C8orf34: variants seen among roughly 807,000 people sequenced by gnomAD.
The protein encoded by C8orf34 is chromosome 8 open reading frame 34, also known as uncharacterized protein C8orf34.
C8orf34 carries 65 observed loss-of-function variants against 68.3 expected under a neutral mutation model. That is an observed-to-expected ratio of 0.95 (90% CI 0.78 to 1.17). The LOEUF is 1.17. Ranked by LOEUF, C8orf34 falls within the 50% of genes most tolerant of loss-of-function variation. The pLI is 0.00. For synonymous variants in C8orf34, 244 were observed against 241.2 expected (o/e 1.01, Z -0.11); for missense variants, 664 against 655.4 (o/e 1.01, Z -0.14).
At chr8:68,377,144 C>T (rs898740317) in intron 1 of C8orf34, among the ~76,000 whole-genome samples, 1 of 152,118 alleles carries the variant, frequency 6.6e-6, no homozygotes, top group Non-Finnish European at 1.5e-5. Flanking sequence ...GTAATCCTAG[C>T]TCTTTGGAAG....
chr8:68,677,506 G>A (rs2130864075), intron 8 of C8orf34, among the ~76,000 whole-genome samples: 1 of 152,138 alleles, frequency 6.6e-6, no homozygotes, highest in Middle Eastern at 3.4e-3. Context: ...CTACAAGCAT[G>A]TGTCACCACA....
chr8:68,394,421 T>C (rs922127872), intron 1 of C8orf34, among the ~76,000 whole-genome samples: 1 of 151,914 alleles, frequency 6.6e-6, no homozygotes, highest in African/African-American at 2.4e-5. Context: ...CATGAACTCA[T>C]CATTTTTTAT....
intron 7 of C8orf34, among the ~76,000 whole-genome samples, chr8:68,598,533 T>A (rs989002353): frequency 3.3e-5 from 5 of 152,118 alleles, no homozygotes; most frequent in Non-Finnish European, 7.3e-5. Flanking sequence ...GGCTTTAGGG[T>A]ATCAACAAAC....
At chr8:68,519,262 C>G (rs561004759) in intron 5 of C8orf34, among the ~76,000 whole-genome samples, 4 of 152,198 alleles carry the variant, frequency 2.6e-5, no homozygotes, top group Non-Finnish European at 5.9e-5. Context: ...CATCATGCAA[C>G]TCTACTTTCT....
At chr8:68,628,742 G>T (rs1185990448) in intron 7 of C8orf34, among the ~76,000 whole-genome samples, 3 of 152,156 alleles carry the variant, frequency 2.0e-5, no homozygotes, top group African/African-American at 4.8e-5. Flanking sequence ...CCTTGAAACA[G>T]ATGTGAAAAT....
Position 68,818,253 on chromosome 8 carries a change from G to A in C8orf34, c.*7G>A, listed in dbSNP as rs16935109. On this transcript the variant is annotated 3_prime_UTR_variant, in exon 14 of 14. Transcript: ENST00000518698. ...CTCCTCTGCAGGTTTGTGAAACAGA[G>A]AGAAGAAGTTGCAAGTGGTCCTTAA... 3 of 1,611,428 alleles carry A rather than the reference G, an allele frequency of 1.9e-6. No homozygotes were observed. The highest frequency in any genetic ancestry group is 2.5e-6 in the Non-Finnish European group (3 of 1,178,428).
chr8:68,810,466 T>G (rs571060271), intron 12 of C8orf34, among the ~76,000 whole-genome samples: 2 of 152,268 alleles, frequency 1.3e-5, no homozygotes, highest in South Asian at 2.1e-4. Flanking sequence ...AGCTCCTACT[T>G]CTGGGGTCCC....
At chr8:68,401,875 G>GTGTA (rs1808973574) in intron 1 of C8orf34, among the ~76,000 whole-genome samples, 1 of 151,676 alleles carries the variant, frequency 6.6e-6, no homozygotes, top group African/African-American at 2.4e-5. Flanking sequence ...GTGTGTGTGT[G>GTGTA]TGTGTGTGTG....
At chr8:68,634,091 A>G (rs948549988) in intron 7 of C8orf34, among the ~76,000 whole-genome samples, 1 of 152,214 alleles carries the variant, frequency 6.6e-6, no homozygotes, top group African/African-American at 2.4e-5. Flanking sequence ...TAAATTGTGA[A>G]GAATCTAATA....
At chr8:68,604,584 T>C (rs1014142757) in intron 7 of C8orf34, among the ~76,000 whole-genome samples, 1 of 152,096 alleles carries the variant, frequency 6.6e-6, no homozygotes, top group African/African-American at 2.4e-5. Context: ...GACAAAGATG[T>C]GAAGGCACTA....
intron 12 of C8orf34, among the ~76,000 whole-genome samples, chr8:68,799,848 G>A (rs1824278733): frequency 6.6e-6 from 1 of 152,150 alleles, no homozygotes; most frequent in Non-Finnish European, 1.5e-5. Flanking sequence ...AGATTGGAGA[G>A]ATCTTCATGA....
At chr8:68,788,392 C>T (rs1823902356) in intron 12 of C8orf34, among the ~76,000 whole-genome samples, 1 of 152,190 alleles carries the variant, frequency 6.6e-6, no homozygotes, top group Non-Finnish European at 1.5e-5. Flanking sequence ...TTCCCCACTT[C>T]CATACTGTGG....
At chr8:68,803,231 A>G (rs1824384541) in intron 12 of C8orf34, among the ~76,000 whole-genome samples, 1 of 152,144 alleles carries the variant, frequency 6.6e-6, no homozygotes, top group African/African-American at 2.4e-5. Flanking sequence ...CAATTGACTT[A>G]TGAACATAGA....
chr8:68,519,809 A>C (rs1476179823), intron 5 of C8orf34, among the ~76,000 whole-genome samples: 2 of 152,192 alleles, frequency 1.3e-5, no homozygotes, highest in Non-Finnish European at 2.9e-5. Flanking sequence ...AATTCTTATC[A>C]TCCCCATTTT....
At chr8:68,381,738 CAAAAAAAAA>C (rs769290635) in intron 1 of C8orf34, among the ~76,000 whole-genome samples, 3 of 72,070 alleles carry the variant, frequency 4.2e-5, no homozygotes, top group African/African-American at 1.8e-4. Context: ...GACTCCGTCT[CAAAAAAAAA>C]AAAAAAAAAA....
chr8:68,774,068 C>T (rs1488127567), intron 10 of C8orf34, among the ~76,000 whole-genome samples: 1 of 152,078 alleles, frequency 6.6e-6, no homozygotes, highest in African/African-American at 2.4e-5. Flanking sequence ...CAGAGGCCAA[C>T]CAGGCAAGCC....
At chr8:68,385,944 G>A (rs1018066611) in intron 1 of C8orf34, among the ~76,000 whole-genome samples, 1 of 152,122 alleles carries the variant, frequency 6.6e-6, no homozygotes, top group Admixed American at 6.5e-5. Flanking sequence ...CTGTTGCCCA[G>A]ACTGGAGTGT....
rs139799634 is a variant in C8orf34 at position 68,405,320 on chromosome 8, G to C, written c.328-34179G>C. 4.0e-3 allele frequency among the ~76,000 whole-genome samples: 605 copies of C among 152,252 alleles called. 6 individuals carry two copies. Among genetic ancestry groups the C allele is most frequent in the African/African-American group, 0.014 (561 of 41,548 alleles). On this transcript the variant is annotated intron_variant, in intron 1 of 13. Transcript: ENST00000518698. ...TATTAGAAGCCACCTCAAATGCTAA[G>C]AGTTTGGTTTATTCTCAGATCACTG...
chr8:68,344,310 A>G (rs1385231978), intron 1 of C8orf34, among the ~76,000 whole-genome samples: 1 of 152,226 alleles, frequency 6.6e-6, no homozygotes, highest in Non-Finnish European at 1.5e-5. Context: ...AAGCCAAATG[A>G]AAAGTTTACG....
Sources: allele counts gnomAD v4.1 joint callset (sites outside exome capture counted in the v4.1 genomes callset), GRCh38; gene constraint gnomAD v4.1.1; transcripts MANE v1.5; gene names NCBI Gene and HGNC (gene_info 2026-07-23, HGNC 2026-07-21).